The following MYRF variants were observed in gnomAD, a reference collection of about 807,000 sequenced individuals.
MYRF encodes the protein myelin gene regulatory factor.
A neutral mutation model predicts 126.3 loss-of-function variants in MYRF; 16 were observed. The ratio of observed to expected loss-of-function variants is 0.13; its 90% CI spans 0.09 to 0.19. MYRF has a LOEUF of 0.19. Among genes scored for constraint, MYRF ranks in the 10% least tolerant of loss-of-function variants. MYRF has a pLI of 1.00. For missense variants in MYRF, 1,104 were observed against 1,547.0 expected (o/e 0.71, Z 4.80); for synonymous variants, 608 against 635.3 (o/e 0.96, Z 0.65).
Position 61,777,039 on chromosome 11 carries a change from G to T in MYRF, c.1590+162G>T, listed in dbSNP as rs2066403770. On this transcript the variant is annotated intron_variant, in intron 11 of 26. Coordinates refer to ENST00000278836, the MANE Select transcript of MYRF (RefSeq NM_001127392.3). The surrounding 1 kb of genome is among the most constrained non-coding windows in gnomAD (Gnocchi z 8.8). ...AAGCTCCCACCCTCTCTGGGCTGCA[G>T]GGTCTCCACAGTAAAGCAGGGAGGT... Among the ~76,000 whole-genome samples, 1 of 152,146 alleles carries T rather than the reference G, an allele frequency of 6.6e-6. No individual in the cohort carries two copies. The highest frequency in any genetic ancestry group is 2.1e-4 in the South Asian group (1 of 4,832).
rs2066696289 is a variant in MYRF at position 61,786,391 on chromosome 11, G to A, written c.*248G>A. ...CCTTCCTGCCTGCCACCCCCTAGGG[G>A]CCAGGACAGGACCAGTTTACCTCTT... On this transcript the variant is annotated 3_prime_UTR_variant, in exon 27 of 27. Transcript: ENST00000278836. This position sits in a 1 kb window ranked among gnomAD's most constrained non-coding sequence, Gnocchi z 4.5. The A allele has an allele frequency of 1.8e-6, 1 of 562,840 alleles. No homozygotes were observed. Among genetic ancestry groups the A allele is most frequent in the East Asian group, 3.0e-5 (1 of 33,478 alleles). The allele number at this position is 562,840 out of a possible 1,614,324, so 34.9% of individuals were successfully genotyped here.
intron 1 of MYRF, chr11:61,754,344 T>C (rs1372221864): frequency 2.6e-5 from 4 of 152,424 alleles, no homozygotes; most frequent in Non-Finnish European, 5.9e-5. Context: ...AGGTGGGCCA[T>C]CTGAGGGTCT....
chr11:61,757,103 G>A lies in MYRF; in HGVS notation c.46+4313G>A, dbSNP rs911979349. 9 of 445,724 alleles carry A rather than the reference G, an allele frequency of 2.0e-5. No homozygotes were observed. The highest frequency in any genetic ancestry group is 3.1e-5 in the South Asian group (2 of 64,392). The allele number at this position is 445,724 out of a possible 1,614,324, so 27.6% of individuals were successfully genotyped here. A position where few individuals can be genotyped will look rare whatever the true frequency, so the allele number is the denominator to read the frequency against. ...CTTACCTTCCCACCTTCCTCTTCAC[G>A]GACCTAGCACCTTCCTGGGCCTCAG... On this transcript the variant is annotated intron_variant, in intron 1 of 26. Coordinates refer to ENST00000278836, the MANE Select transcript of MYRF (RefSeq NM_001127392.3). The surrounding 1 kb of genome is among the most constrained non-coding windows in gnomAD (Gnocchi z 4.7).
At position 61,776,703 on chromosome 11, in the gene MYRF, A is replaced by T. The variant is rs1371347127; in HGVS notation, c.1500-84A>T. On this transcript the variant is annotated intron_variant, in intron 10 of 26. Coordinates refer to ENST00000278836, the MANE Select transcript of MYRF (RefSeq NM_001127392.3). The surrounding 1 kb of genome is among the most constrained non-coding windows in gnomAD (Gnocchi z 4.3). Reference sequence around the variant, plus strand: ...TTCCTCCTCTGTAGGAGGGGGTGAGATGAACATGCATCTGGCCAGGGAAAG... The same window carrying T: ...TTCCTCCTCTGTAGGAGGGGGTGAGTTGAACATGCATCTGGCCAGGGAAAG... The T allele has an allele frequency of 1.8e-6, 2 of 1,109,612 alleles. No homozygotes were observed. Among genetic ancestry groups the T allele is most frequent in the Non-Finnish European group, 2.6e-6 (2 of 774,414 alleles). The allele number at this position is 1,109,612 out of a possible 1,614,324, so 68.7% of individuals were successfully genotyped here.
chr11:61,769,079 G>C (rs2066137284), intron 3 of MYRF, among the ~76,000 whole-genome samples, 181 bp from the exon 4 acceptor site: 1 of 152,232 alleles, frequency 6.6e-6, no homozygotes, highest in Non-Finnish European at 1.5e-5. Context: ...TTCGGCCCCA[G>C]GCCCTGCCAG....
intron 1 of MYRF, among the ~76,000 whole-genome samples, chr11:61,762,677 G>A (rs992009193): frequency 1.3e-5 from 2 of 152,216 alleles, no homozygotes; most frequent in Non-Finnish European, 2.9e-5. Context: ...GAAATCTCCA[G>A]TGTGGTTCAC....
intron 5 of MYRF, 116 bp downstream of exon 5, chr11:61,770,641 G>A: frequency 9.8e-7 from 1 of 1,021,836 alleles, no homozygotes; most frequent in South Asian, 1.7e-5. Context: ...CCCAGGGAGG[G>A]CAGAAGGCTC....
In MYRF at chr11:61,778,915, G is replaced by A. The variant is rs1222289482; in HGVS notation, c.2014-348G>A. The A allele has an allele frequency of 1.2e-5, 7 of 576,610 alleles. No individual in the cohort carries two copies. Among genetic ancestry groups the A allele is most frequent in the African/African-American group, 3.7e-5 (2 of 54,352 alleles). The allele number at this position is 576,610 out of a possible 1,614,324, so 35.7% of individuals were successfully genotyped here. A position where few individuals can be genotyped will look rare whatever the true frequency, so the allele number is the denominator to read the frequency against. On this transcript the variant is annotated intron_variant, in intron 14 of 26. Transcript: ENST00000278836. The surrounding 1 kb of genome is among the most constrained non-coding windows in gnomAD (Gnocchi z 4.6). ...GTCTCCACCCCAGCTGAATAGTGAA[G>A]TGCTGACATCTGAGACACCAGTCAT...
Position 61,765,727 on chromosome 11 carries a change from C to T in MYRF, c.134+15C>T, listed in dbSNP as rs375737108. On this transcript the variant is annotated intron_variant, in intron 2 of 26. Coordinates refer to ENST00000278836, the MANE Select transcript of MYRF (RefSeq NM_001127392.3). ...GCCTCCGACCTGTGAGTGGCCCCCT[C>T]GCCCGGCCTGCACCCGCCCAGCCCC... 21 of 1,605,820 alleles carry T rather than the reference C, an allele frequency of 1.3e-5. No homozygotes were observed. The highest frequency in any genetic ancestry group is 1.9e-4 in the Middle Eastern group (1 of 5,338).
chr11:61,769,474 GT>G (rs1365578303), intron 4 of MYRF, among the ~76,000 whole-genome samples, 153 bp downstream of exon 4: 8 of 152,326 alleles, frequency 5.3e-5, no homozygotes, highest in South Asian at 2.1e-4. Context: ...CTTGGCTATT[GT>G]TTCCCCACGG....
At chr11:61,760,784 G>C (rs504299) in intron 1 of MYRF, among the ~76,000 whole-genome samples, 3 of 152,292 alleles carry the variant, frequency 2.0e-5, no homozygotes, top group Middle Eastern at 6.8e-3. Flanking sequence ...CCAGGGCTCA[G>C]GTCACTTGCT....
Position 61,777,424 on chromosome 11 carries a change from T to G in MYRF, c.1751T>G (p.Met584Arg). 6.2e-7 allele frequency: 1 copy of G among 1,613,054 alleles called. No individual in the cohort carries two copies. Among genetic ancestry groups the G allele is most frequent in the Non-Finnish European group, 8.5e-7 (1 of 1,179,738 alleles). The change falls in exon 12 of 27, where the codon ATG becomes AGG. Residue 584 changes from methionine (M) to arginine (R), a missense_variant. Physicochemically the swap from Met to Arg is moderately conservative, Grantham distance 91. Around this residue, in one of 10 missense-constraint regions of MYRF, gnomAD observed 123 missense variants for 209.1 expected, o/e 0.59. Coordinates refer to ENST00000278836, the MANE Select transcript of MYRF (RefSeq NM_001127392.3). This position sits in a 1 kb window ranked among gnomAD's most constrained non-coding sequence, Gnocchi z 8.8. ...AATGTCAAGGTCATGGGCTCGCTTATGCACCCCTCCGACCTGCGCGCCAAG... is the reference window on the plus strand; with the variant it reads ...AATGTCAAGGTCATGGGCTCGCTTAGGCACCCCTCCGACCTGCGCGCCAAG... ...HGNVKVMGSL[M>R]HPSDLRAKEH...
intron 3 of MYRF, 67 bp downstream of exon 3, chr11:61,766,288 G>A (rs1243689244): frequency 4.8e-5 from 71 of 1,482,046 alleles, no homozygotes; most frequent in Non-Finnish European, 5.8e-5. Context: ...GGCTGTGGCC[G>A]TGACCTGGGA....
In MYRF at chr11:61,774,977, C is replaced by T. The variant is rs377112876; in HGVS notation, c.1311+815C>T. On this transcript the variant is annotated intron_variant, in intron 8 of 26. Transcript: ENST00000278836. ...TGGGCTCCCCTCTCAGGGAATGGGG[C>T]GCAGGGCCTTGGTTACCTGAGCCGC... 8.6e-4 allele frequency among the ~76,000 whole-genome samples: 131 copies of T among 152,122 alleles called. 1 individual carries two copies. Among genetic ancestry groups the T allele is most frequent in the Non-Finnish European group, 1.6e-3 (109 of 68,020 alleles).
intron 17 of MYRF, 51 bp downstream of exon 17, chr11:61,779,981 C>T: frequency 6.6e-7 from 1 of 1,513,346 alleles, no homozygotes; most frequent in Non-Finnish European, 9.1e-7. Context: ...AGTGGAGCTG[C>T]CCAGTGGAGT....
intron 1 of MYRF, among the ~76,000 whole-genome samples, chr11:61,759,781 G>C (rs2065856367): frequency 6.6e-6 from 1 of 152,138 alleles, no homozygotes; most frequent in Admixed American, 6.5e-5. Context: ...GACTCAGATC[G>C]AAGAACCTGA....
intron 3 of MYRF, among the ~76,000 whole-genome samples, chr11:61,768,348 T>C (rs2066121083): frequency 6.6e-6 from 1 of 152,144 alleles, no homozygotes; most frequent in Non-Finnish European, 1.5e-5. Flanking sequence ...GCCTGGCCAT[T>C]GTCAGGGAAG....
At chr11:61,781,482 G>A in intron 21 of MYRF, 91 bp from the exon 22 acceptor site, 1 of 1,548,918 alleles carries the variant, frequency 6.5e-7, no homozygotes, top group Non-Finnish European at 8.7e-7. Context: ...GAGACACATG[G>A]GGTTCACTCA....
chr11:61,762,920 A>G (rs1158932630), intron 1 of MYRF, among the ~76,000 whole-genome samples: 2 of 152,006 alleles, frequency 1.3e-5, no homozygotes, highest in Non-Finnish European at 2.9e-5. Flanking sequence ...TCCTCCCCCA[A>G]AGCACATCTG....
Sources: gnomAD v4.1 joint callset for allele counts (sites outside exome capture counted in the v4.1 genomes callset) on GRCh38, gnomAD v4.1.1 for gene constraint, gnomAD v4.1.1 regional missense constraint, Gnocchi (gnomAD v3.1) non-coding constraint, MANE v1.5 for transcripts, NCBI Gene and HGNC (gene_info 2026-07-23, HGNC 2026-07-21) for gene names.